The following VPS13B variants were observed in gnomAD, a reference collection of about 807,000 sequenced individuals.
The protein encoded by VPS13B is intermembrane lipid transfer protein VPS13B.
VPS13B carries 285 observed loss-of-function variants against 426.4 expected under a neutral mutation model. The ratio of observed to expected loss-of-function variants is 0.67; its 90% CI spans 0.61 to 0.74. The LOEUF is 0.74. VPS13B is among the 30% of genes least tolerant of loss of function. The probability of loss-of-function intolerance (pLI) is 0.00; values close to 1 mark genes in which losing one functional copy is unlikely to be tolerated. For synonymous variants in VPS13B, 1,676 were observed against 1,676.4 expected, an observed-to-expected ratio of 1.00 and a Z score of 0.01; for missense variants, 4,537 against 4,782.6, an observed-to-expected ratio of 0.95 and a Z score of 1.51.
intron 37 of VPS13B, among the ~76,000 whole-genome samples, chr8:99,719,422 T>A (rs1180835128): frequency 6.6e-6 from 1 of 152,198 alleles, no homozygotes; most frequent in African/African-American, 2.4e-5. Context: ...GTACACTTAG[T>A]GTTACATCTT....
chr8:99,092,937 CT>C (rs575185374), intron 3 of VPS13B, among the ~76,000 whole-genome samples: 233 of 143,038 alleles, frequency 1.6e-3, no homozygotes, highest in Middle Eastern at 0.016. Flanking sequence ...GCTTTACTCA[CT>C]TTTTTTTTTT....
intron 21 of VPS13B, among the ~76,000 whole-genome samples, chr8:99,403,741 A>G (rs558729846): frequency 3.7e-4 from 57 of 152,288 alleles, no homozygotes; most frequent in African/African-American, 1.2e-3. Context: ...AAATGCAAGA[A>G]TAGTAGAAAC....
intron 40 of VPS13B, among the ~76,000 whole-genome samples, chr8:99,772,746 G>A (rs1811571492): frequency 6.6e-6 from 1 of 152,150 alleles, no homozygotes; most frequent in South Asian, 2.1e-4. Context: ...TTTGGAGTTA[G>A]GGTTAAGACA....
At chr8:99,327,038 A>G (rs949967842) in intron 19 of VPS13B, among the ~76,000 whole-genome samples, 1 of 152,200 alleles carries the variant, frequency 6.6e-6, no homozygotes. Flanking sequence ...CACCTAGTAC[A>G]AAGATTCGTT....
intron 19 of VPS13B, among the ~76,000 whole-genome samples, chr8:99,367,963 C>A (rs1451540410): frequency 2.0e-5 from 3 of 152,116 alleles, no homozygotes; most frequent in African/African-American, 7.2e-5. Flanking sequence ...CATTTGGTTC[C>A]ATTTTTAAAG....
chr8:99,209,819 A>C (rs1044633812), intron 17 of VPS13B: 14 of 781,938 alleles, frequency 1.8e-5, no homozygotes, highest in Admixed American at 6.3e-5. Context: ...CATTTGAAAT[A>C]GTTTATTCTA....
chr8:99,581,636 A>G (rs1406926263), intron 33 of VPS13B, among the ~76,000 whole-genome samples: 1 of 152,122 alleles, frequency 6.6e-6, no homozygotes, highest in Non-Finnish European at 1.5e-5. Context: ...TGAGTCCCCT[A>G]TCTGAAAACT....
chr8:99,515,676 T>A (rs1822032523), intron 29 of VPS13B, among the ~76,000 whole-genome samples: 1 of 152,190 alleles, frequency 6.6e-6, no homozygotes, highest in Non-Finnish European at 1.5e-5. Flanking sequence ...AGTGGTGTTT[T>A]TTTTTGTGGC....
intron 25 of VPS13B, among the ~76,000 whole-genome samples, chr8:99,500,823 C>T (rs1296701100): frequency 6.6e-6 from 1 of 152,160 alleles, no homozygotes; most frequent in Non-Finnish European, 1.5e-5. Context: ...ATTGCAGCAT[C>T]TCTTCTGCAT....
intron 6 of VPS13B, among the ~76,000 whole-genome samples, chr8:99,114,274 A>G (rs1386074434): frequency 6.6e-6 from 1 of 152,040 alleles, no homozygotes; most frequent in Non-Finnish European, 1.5e-5. Context: ...AAATATGATC[A>G]TATTTTAAAA....
chr8:99,372,107 C>T (rs900917683), intron 19 of VPS13B, among the ~76,000 whole-genome samples: 41 of 151,684 alleles, frequency 2.7e-4, no homozygotes, highest in African/African-American at 8.5e-4. Context: ...AAAAATTAGC[C>T]GGGCGAGGTG....
intron 19 of VPS13B, among the ~76,000 whole-genome samples, chr8:99,337,702 A>G (rs1043284381): frequency 1.3e-4 from 20 of 152,124 alleles, no homozygotes; most frequent in Non-Finnish European, 2.8e-4. Flanking sequence ...TGTTTTACAA[A>G]GAATAAAATT....
At chr8:99,392,150 A>G (rs981109057) in intron 21 of VPS13B, among the ~76,000 whole-genome samples, 1 of 152,200 alleles carries the variant, frequency 6.6e-6, no homozygotes, top group South Asian at 2.1e-4. Context: ...AAAGACCCAT[A>G]GAGAATTATC....
intron 39 of VPS13B, among the ~76,000 whole-genome samples, chr8:99,738,185 C>T (rs1009406660): frequency 3.9e-5 from 6 of 152,172 alleles, no homozygotes; most frequent in African/African-American, 1.2e-4. Flanking sequence ...AATTATTCAG[C>T]GTTGCAGAAA....
At chr8:99,795,936 G>C (rs1232280535) in intron 43 of VPS13B, among the ~76,000 whole-genome samples, 1 of 152,150 alleles carries the variant, frequency 6.6e-6, no homozygotes, top group African/African-American at 2.4e-5. Flanking sequence ...GTCCTATTCA[G>C]TGGGGGGAAC....
chr8:99,466,655 G>A (rs1819128094), intron 23 of VPS13B, among the ~76,000 whole-genome samples: 1 of 152,084 alleles, frequency 6.6e-6, no homozygotes, highest in Admixed American at 6.6e-5. Context: ...ATTTATGAAT[G>A]CCAATTTTTT....
intron 40 of VPS13B, 107 bp downstream of exon 40, chr8:99,767,077 G>A (rs1409618114): frequency 2.7e-6 from 3 of 1,102,976 alleles, no homozygotes; most frequent in Non-Finnish European, 4.0e-6. Flanking sequence ...CTGTCTAGCA[G>A]CTGCATCTCT....
At chr8:99,356,879 T>C (rs1812210530) in intron 19 of VPS13B, among the ~76,000 whole-genome samples, 1 of 152,230 alleles carries the variant, frequency 6.6e-6, no homozygotes, top group South Asian at 2.1e-4. Context: ...CTGTTTTACT[T>C]CCTTTCCTAT....
At chr8:99,071,562 T>C (rs1844854094) in intron 3 of VPS13B, among the ~76,000 whole-genome samples, 1 of 152,148 alleles carries the variant, frequency 6.6e-6, no homozygotes, top group South Asian at 2.1e-4. Flanking sequence ...AGGCCTACAG[T>C]GACCACTGTG....
Sources: gnomAD v4.1 joint callset for allele counts (sites outside exome capture counted in the v4.1 genomes callset) on GRCh38, gnomAD v4.1.1 for gene constraint, MANE v1.5 for transcripts, NCBI Gene and HGNC (gene_info 2026-07-23, HGNC 2026-07-21) for gene names.